The following BAZ2B variants were observed in gnomAD, a reference collection of about 807,000 sequenced individuals.
The protein encoded by BAZ2B is bromodomain adjacent to zinc finger domain 2B.
Under a neutral mutation model 246.0 loss-of-function variants are expected in BAZ2B, and 91 were observed. That is an observed-to-expected ratio of 0.37 (90% CI 0.31 to 0.44). The LOEUF is 0.44. Ranked by LOEUF, BAZ2B falls within the 20% of genes least tolerant of loss-of-function variation. BAZ2B has a pLI of 1.00. For synonymous variants in BAZ2B, 855 were observed against 860.0 expected (o/e 0.99, Z 0.10); for missense variants, 2,332 against 2,533.7 (o/e 0.92, Z 1.71).
At chr2:159,578,194 C>CAAG (rs1559821020) in intron 1 of BAZ2B, among the ~76,000 whole-genome samples, 2 of 152,060 alleles carry the variant, frequency 1.3e-5, no homozygotes, top group African/African-American at 4.8e-5. Context: ...ACAACAGAGT[C>CAAG]AAGAAACAGA....
intron 1 of BAZ2B, among the ~76,000 whole-genome samples, chr2:159,569,846 T>A (rs1683524278): frequency 6.6e-6 from 1 of 152,054 alleles, no homozygotes; most frequent in South Asian, 2.1e-4. Flanking sequence ...AGTACATAAA[T>A]GAAAATTAGG....
chr2:159,341,789 A>G (rs535970543), intron 31 of BAZ2B, among the ~76,000 whole-genome samples: 5 of 152,384 alleles, frequency 3.3e-5, no homozygotes, highest in African/African-American at 1.2e-4. Flanking sequence ...AGAAGAAATT[A>G]AGAATGAAAT....
chr2:159,332,564 C>T lies in BAZ2B; in HGVS notation c.5919G>A (p.Trp1973Ter). The T allele has an allele frequency of 6.2e-7, 1 of 1,613,932 alleles. No individual in the cohort carries two copies. ...PKITTIPDGD[W>*]FCPACIAKAS... Reference sequence around the variant, plus strand: ...CCTTAGCAATGCAAGCTGGACAAAACCAGTCTCCATCTGGGATTGTTGTAA... The same window carrying T: ...CCTTAGCAATGCAAGCTGGACAAAATCAGTCTCCATCTGGGATTGTTGTAA... The change falls in exon 34 of 37, where the codon TGG (tryptophan) becomes TGA (stop). Residue 1973 changes from tryptophan to a stop codon, truncating the protein, a stop_gained. Transcript: ENST00000392783. LOFTEE classifies it high-confidence loss of function.
At chr2:159,637,115 G>C in the BAZ2B span, among the ~76,000 whole-genome samples, 1 of 152,180 alleles carries the variant, frequency 6.6e-6, no homozygotes, top group Admixed American at 6.5e-5. Context: ...CACAATCCCA[G>C]CTATGGTGGC....
In BAZ2B at chr2:159,324,625, TACACACACACACACACAC is replaced by T. The variant is rs60009917; in HGVS notation, c.6353+168_6353+185del. ...TCTATACTATTCTACTCTAACCAAA[TACACACACACACACACAC>T]ACACACACACACACACACACACACA... On this transcript the variant is annotated intron_variant, in intron 36 of 36. Transcript: ENST00000392783. Among the ~76,000 whole-genome samples the T allele has an allele frequency of 5.9e-3, 782 of 133,034 alleles. 9 individuals are homozygous for T. The highest frequency in any genetic ancestry group is 0.016 in the East Asian group (73 of 4,618). 87.3% of individuals were successfully genotyped at this position (133,034 alleles called of 152,430 possible). A position where few individuals can be genotyped will look rare whatever the true frequency, so the allele number is the denominator to read the frequency against.
At chr2:159,345,875 G>A (rs1435689595) in intron 31 of BAZ2B, among the ~76,000 whole-genome samples, 1 of 152,190 alleles carries the variant, frequency 6.6e-6, no homozygotes, top group Non-Finnish European at 1.5e-5. Flanking sequence ...GGGAATTATT[G>A]TCTGATAATT....
chr2:159,391,503 T>A (rs746965024), intron 20 of BAZ2B, among the ~76,000 whole-genome samples: 21 of 152,270 alleles, frequency 1.4e-4, no homozygotes, highest in Non-Finnish European at 2.4e-4. Flanking sequence ...AGACTACTAG[T>A]TACTAAAGTT....
At chr2:159,554,811 T>C (rs1256099244) in intron 2 of BAZ2B, among the ~76,000 whole-genome samples, 1 of 152,124 alleles carries the variant, frequency 6.6e-6, no homozygotes, top group East Asian at 1.9e-4. Flanking sequence ...TCAGATTTTA[T>C]CACTTAGAAT....
At chr2:159,374,189 C>T (rs935621752) in intron 26 of BAZ2B, among the ~76,000 whole-genome samples, 1 of 150,746 alleles carries the variant, frequency 6.6e-6, no homozygotes, top group Non-Finnish European at 1.5e-5. Context: ...GGATTACAGG[C>T]GTAAACCACT....
intron 1 of BAZ2B, among the ~76,000 whole-genome samples, chr2:159,567,437 T>C (rs1578445625): frequency 6.6e-6 from 1 of 152,332 alleles, no homozygotes; most frequent in African/African-American, 2.4e-5. Flanking sequence ...TTTTTTTTAC[T>C]GAGACCTAAG....
the BAZ2B span, among the ~76,000 whole-genome samples, chr2:159,621,966 C>T: frequency 3.3e-5 from 5 of 152,044 alleles, no homozygotes; most frequent in Non-Finnish European, 5.9e-5. Flanking sequence ...ATTAGCCAAG[C>T]GTGGTGGCAC....
rs140923423 is a variant in BAZ2B at position 159,395,880 on chromosome 2, C to A, written c.3010-46G>T. ...TGGAAAATAACTCAGCCACAATTAA[C>A]AGTTTGATTTTCCAATGAAAAAACA... On this transcript the variant is annotated intron_variant, in intron 19 of 36. Coordinates refer to ENST00000392783, the MANE Select transcript of BAZ2B (RefSeq NM_013450.4). The A allele has an allele frequency of 1.6e-4, 235 of 1,514,284 alleles. No individual in the cohort carries two copies. In the African/African-American group the frequency reaches 2.9e-3, roughly 18 times the overall value. 93.8% of individuals were successfully genotyped at this position (1,514,284 alleles called of 1,614,324 possible). A position where few individuals can be genotyped will look rare whatever the true frequency, so the allele number is the denominator to read the frequency against.
At chr2:159,489,767 G>C (rs1377541437) in intron 2 of BAZ2B, among the ~76,000 whole-genome samples, 1 of 152,130 alleles carries the variant, frequency 6.6e-6, no homozygotes, top group Non-Finnish European at 1.5e-5. Flanking sequence ...TAGCCAGCCA[G>C]TATGGACTAC....
At chr2:159,598,629 T>A (rs1691342377) in intron 1 of BAZ2B, among the ~76,000 whole-genome samples, 1 of 151,504 alleles carries the variant, frequency 6.6e-6, no homozygotes, top group Non-Finnish European at 1.5e-5. Flanking sequence ...GTGGGTAGAT[T>A]ACAAGGTCAG....
intron 14 of BAZ2B, among the ~76,000 whole-genome samples, chr2:159,410,438 TAGTA>T (rs1476169254): frequency 6.6e-6 from 1 of 152,158 alleles, no homozygotes; most frequent in African/African-American, 2.4e-5. Context: ...GTTCTCATGA[TAGTA>T]AGTGAGTTCT....
intron 20 of BAZ2B, among the ~76,000 whole-genome samples, chr2:159,393,221 C>T (rs116813302): frequency 2.6e-5 from 4 of 152,184 alleles, no homozygotes; most frequent in Non-Finnish European, 5.9e-5. Context: ...TGAATTTTAT[C>T]GTAATTGCAA....
chr2:159,695,877 C>G, the BAZ2B span, among the ~76,000 whole-genome samples: 2 of 152,082 alleles, frequency 1.3e-5, no homozygotes, highest in Non-Finnish European at 2.9e-5. Context: ...GCCACAGCCT[C>G]CTGAGTAGCT....
chr2:159,395,236 T>C (rs539822843), intron 20 of BAZ2B, among the ~76,000 whole-genome samples: 3 of 152,332 alleles, frequency 2.0e-5, no homozygotes, highest in African/African-American at 4.8e-5. Context: ...CTTTGTAACA[T>C]ATATCTATTT....
chr2:159,438,582 G>C lies in BAZ2B; in HGVS notation c.1014C>G (p.His338Gln), dbSNP rs780209718. 1 of 1,614,180 alleles carries C rather than the reference G, an allele frequency of 6.2e-7. No homozygotes were observed. Among genetic ancestry groups the C allele is most frequent in the East Asian group, 2.2e-5 (1 of 44,874 alleles). Residue 338 changes from histidine (H) to glutamine (Q), a missense_variant, in exon 8 of 37, where the codon CAC becomes CAG. Coordinates refer to ENST00000392783, the MANE Select transcript of BAZ2B (RefSeq NM_013450.4). ...PLPLASESQT[H>Q]SFQSQQKQPQ... ...GCTGCTTCTGCTGGGATTGGAATGA[G>C]TGAGTCTGGGATTCAGACGCAAGAG...
Sources: allele counts gnomAD v4.1 joint callset (sites outside exome capture counted in the v4.1 genomes callset), GRCh38; gene constraint gnomAD v4.1.1; transcripts MANE v1.5; gene names NCBI Gene and HGNC (gene_info 2026-07-23, HGNC 2026-07-21).